Variants in CACNA2D3 observed in about 807,000 individuals in gnomAD.
The protein encoded by CACNA2D3 is calcium voltage-gated channel auxiliary subunit alpha2delta 3.
Under a neutral mutation model 160.6 loss-of-function variants are expected in CACNA2D3, and 60 were observed. The observed-to-expected ratio is 0.37, with a 90% CI of 0.30 to 0.46. The LOEUF is 0.46. CACNA2D3 is among the 20% of genes least tolerant of loss of function. The pLI, the probability that CACNA2D3 is intolerant of heterozygous loss-of-function variation, is 1.00. For synonymous variants in CACNA2D3, 558 were observed against 492.9 expected, an observed-to-expected ratio of 1.13 and a Z score of -1.75; for missense variants, 1,205 against 1,365.0, an observed-to-expected ratio of 0.88 and a Z score of 1.85.
chr3:54,653,896 A>T (rs1699824615), intron 11 of CACNA2D3, among the ~76,000 whole-genome samples: 1 of 152,128 alleles, frequency 6.6e-6, no homozygotes, highest in Admixed American at 6.5e-5. Flanking sequence ...ACCATCCTCT[A>T]GTAAATGGCT....
intron 2 of CACNA2D3, among the ~76,000 whole-genome samples, chr3:54,143,794 T>C (rs1473568625): frequency 6.6e-6 from 1 of 152,212 alleles, no homozygotes; most frequent in Admixed American, 6.6e-5. Flanking sequence ...CCACCGTGCC[T>C]GGCCGATTGT....
At chr3:54,169,485 C>T (rs1461968038) in intron 2 of CACNA2D3, among the ~76,000 whole-genome samples, 1 of 152,186 alleles carries the variant, frequency 6.6e-6, no homozygotes, top group African/African-American at 2.4e-5. Context: ...ATTTATTTCA[C>T]AGTTTATTAC....
At chr3:55,026,097 G>A (rs1490120232) in intron 35 of CACNA2D3, among the ~76,000 whole-genome samples, 2 of 151,924 alleles carry the variant, frequency 1.3e-5, no homozygotes, top group African/African-American at 4.8e-5. Flanking sequence ...CTCCTCAGAA[G>A]CACCGACCCC....
chr3:54,732,291 A>C (rs1290987783), intron 11 of CACNA2D3, among the ~76,000 whole-genome samples: 5 of 152,266 alleles, frequency 3.3e-5, no homozygotes, highest in Non-Finnish European at 7.3e-5. Flanking sequence ...AACCCAGGCT[A>C]CAACTTGTGA....
chr3:54,806,780 A>C (rs955620539), intron 13 of CACNA2D3, among the ~76,000 whole-genome samples: 2 of 152,086 alleles, frequency 1.3e-5, no homozygotes, highest in African/African-American at 4.8e-5. Context: ...AGCTGGAGGC[A>C]TCACACTACC....
intron 9 of CACNA2D3, among the ~76,000 whole-genome samples, chr3:54,592,707 G>A (rs1702883703): frequency 6.6e-6 from 1 of 152,192 alleles, no homozygotes; most frequent in Non-Finnish European, 1.5e-5. Context: ...TCATGGCTCT[G>A]TTTAAGATTC....
chr3:54,707,803 T>A (rs1050499296), intron 11 of CACNA2D3, among the ~76,000 whole-genome samples: 2 of 152,192 alleles, frequency 1.3e-5, no homozygotes, highest in Admixed American at 6.5e-5. Flanking sequence ...TGAGTTTTTA[T>A]TTGCTTGTTT....
chr3:55,018,624 A>G (rs2107158153), intron 35 of CACNA2D3, among the ~76,000 whole-genome samples: 1 of 152,116 alleles, frequency 6.6e-6, no homozygotes, highest in Middle Eastern at 3.4e-3. Context: ...GGCAATTTGA[A>G]CTGTGTGTTC....
chr3:54,637,105 C>T (rs1015262348), intron 10 of CACNA2D3, among the ~76,000 whole-genome samples: 5 of 151,952 alleles, frequency 3.3e-5, no homozygotes, highest in African/African-American at 1.2e-4. Flanking sequence ...ACTTGTAAGG[C>T]TTGTCCGGTT....
At chr3:54,822,832 T>TTTCGTTTCTTTC (rs1553874401) in intron 14 of CACNA2D3, among the ~76,000 whole-genome samples, 1 of 57,982 alleles carries the variant, frequency 1.7e-5, no homozygotes, top group Non-Finnish European at 3.2e-5. Context: ...TCTTTCTTTC[T>TTTCGTTTCTTTC]TTTCTTTCTT....
chr3:54,386,080 G>A (rs564089998), intron 3 of CACNA2D3: 68 of 402,386 alleles, frequency 1.7e-4, no homozygotes, highest in Non-Finnish European at 1.9e-4. Context: ...TTAATGTGTT[G>A]AATTTCGCTG....
rs1702004517 is a variant in CACNA2D3 at position 54,542,937 on chromosome 3, G to A, written c.545-19863G>A. On this transcript the variant is annotated intron_variant, in intron 5 of 37. Coordinates refer to ENST00000474759, the MANE Select transcript of CACNA2D3 (RefSeq NM_018398.3). The stretch of plus-strand genomic sequence containing the variant: ...TTATAGGAAAAAGACAAGAGAGAAT[G>A]AGGTTTGGGGGAATTATCTTGGTCA... Among the ~76,000 whole-genome samples, 4 of 152,344 alleles carry A rather than the reference G, an allele frequency of 2.6e-5. No homozygotes were observed. The South Asian group carries it at 8.3e-4, about 32-fold the overall frequency.
chr3:54,510,350 C>T (rs1701440535), intron 5 of CACNA2D3, among the ~76,000 whole-genome samples: 1 of 152,142 alleles, frequency 6.6e-6, no homozygotes, highest in Non-Finnish European at 1.5e-5. Flanking sequence ...ATCTCATTGA[C>T]AATGACCCCA....
intron 18 of CACNA2D3, chr3:54,877,154 A>G (rs990031428): frequency 3.3e-5 from 5 of 152,212 alleles, no homozygotes; most frequent in Admixed American, 2.6e-4. Context: ...AACGAAATCT[A>G]CTAAAATAGG....
intron 13 of CACNA2D3, among the ~76,000 whole-genome samples, chr3:54,775,744 AAC>A (rs1377620270): frequency 6.6e-6 from 1 of 152,042 alleles, no homozygotes; most frequent in Non-Finnish European, 1.5e-5. Flanking sequence ...CTGATGATCA[AAC>A]ACTGGCTCAT....
intron 26 of CACNA2D3, among the ~76,000 whole-genome samples, chr3:54,898,003 T>C (rs1700230724): frequency 6.6e-6 from 1 of 152,192 alleles, no homozygotes; most frequent in African/African-American, 2.4e-5. Context: ...TAGACCTGTG[T>C]GTATGCCTGC....
chr3:54,127,123 T>C (rs1304121835), intron 2 of CACNA2D3, among the ~76,000 whole-genome samples: 1 of 152,242 alleles, frequency 6.6e-6, no homozygotes, highest in Non-Finnish European at 1.5e-5. Flanking sequence ...TATTTAGACC[T>C]GCATTCGGGG....
At chr3:54,435,220 G>GAAA (rs1481003159) in intron 4 of CACNA2D3, among the ~76,000 whole-genome samples, 1 of 152,130 alleles carries the variant, frequency 6.6e-6, no homozygotes, top group Non-Finnish European at 1.5e-5. Flanking sequence ...CCTGCCCTTT[G>GAAA]GGGTCAGTAA....
At chr3:54,484,364 G>A (rs745910617) in intron 4 of CACNA2D3, among the ~76,000 whole-genome samples, 1 of 152,264 alleles carries the variant, frequency 6.6e-6, no homozygotes, top group Middle Eastern at 3.4e-3. Flanking sequence ...GCACACCAGT[G>A]GTAAGTTTAC....
Sources: allele counts gnomAD v4.1 joint callset (sites outside exome capture counted in the v4.1 genomes callset), GRCh38; gene constraint gnomAD v4.1.1; transcripts MANE v1.5; gene names NCBI Gene and HGNC (gene_info 2026-07-23, HGNC 2026-07-21).